The following ATP9B variants were observed in gnomAD, a reference collection of about 807,000 sequenced individuals.
ATP9B encodes the protein ATPase phospholipid transporting 9B.
ATP9B carries 110 observed loss-of-function variants against 146.1 expected under a neutral mutation model. That is an observed-to-expected ratio of 0.75 (90% CI 0.65 to 0.88). ATP9B has a LOEUF of 0.88. Among genes scored for constraint, ATP9B ranks in the 40% least tolerant of loss-of-function variants. The pLI is 0.00. For missense variants in ATP9B, 1,499 were observed against 1,496.4 expected (o/e 1.00, Z -0.03); for synonymous variants, 604 against 569.7 (o/e 1.06, Z -0.86).
At chr18:79,145,036 G>A in intron 6 of ATP9B, 1 of 224,758 alleles carries the variant, frequency 4.4e-6, no homozygotes, top group Non-Finnish European at 9.0e-6. Context: ...TGTCGGGGGA[G>A]CTGGCGGTGT....
intron 24 of ATP9B, 58 bp downstream of exon 24, chr18:79,347,983 C>T: frequency 1.6e-5 from 25 of 1,604,160 alleles, no homozygotes; most frequent in South Asian, 4.5e-5. Context: ...GGGCAGGGTC[C>T]GGGAAGGGCA....
chr18:79,206,985 T>C lies in ATP9B; in HGVS notation c.1003T>C (p.Leu335=). The change falls in exon 10 of 30, where the codon TTG becomes CTG. Residue 335 remains leucine (L), a synonymous_variant. Coordinates refer to ENST00000426216, the MANE Select transcript of ATP9B (RefSeq NM_198531.5). ...TGAAAGTCTCAGCATAGAAAATACA[T>C]TGTGGGCAAGCACCATTGTTGCATC... is the stretch of plus-strand genomic sequence containing the variant. ...IHESLSIENT[L]WASTIVASGT... is the part of the protein sequence containing the mutation. 1.2e-6 allele frequency: 2 copies of C among 1,614,050 alleles called. No individual in the cohort carries two copies. The highest frequency in any genetic ancestry group is 1.1e-5 in the South Asian group (1 of 91,068).
intron 9 of ATP9B, chr18:79,194,385 G>C (rs1356636665): frequency 2.0e-5 from 3 of 152,108 alleles, no homozygotes; most frequent in Non-Finnish European, 4.4e-5. Context: ...ACTTTGAAAA[G>C]TCGGAAATGT....
chr18:79,359,621 G>A, intron 26 of ATP9B, 159 bp downstream of exon 26: 1 of 615,432 alleles, frequency 1.6e-6, no homozygotes, highest in East Asian at 2.8e-5. Context: ...ATTGTTGTTG[G>A]CATTTTCTCT....
Position 79,171,065 on chromosome 18 carries a change from T to G in ATP9B, c.779-5748T>G, listed in dbSNP as rs146560697. Among the ~76,000 whole-genome samples the G allele has an allele frequency of 1.3e-3, 200 of 152,364 alleles. 1 individual carries two copies. The highest frequency in any genetic ancestry group is 4.6e-3 in the African/African-American group (190 of 41,582). ...AATGAGCATATTTTGTTTAGTCTAA[T>G]TGATGCCACCTTCCCCCTATAGTGT... On this transcript the variant is annotated intron_variant, in intron 7 of 29. Coordinates refer to ENST00000426216, the MANE Select transcript of ATP9B (RefSeq NM_198531.5).
chr18:79,336,827 A>G, intron 18 of ATP9B, 116 bp downstream of exon 18: 1 of 1,062,414 alleles, frequency 9.4e-7, no homozygotes, highest in Non-Finnish European at 1.4e-6. Flanking sequence ...CTAGGAGTGA[A>G]GGCAGCTTCG....
intron 25 of ATP9B, among the ~76,000 whole-genome samples, chr18:79,349,642 G>A (rs1007051517): frequency 1.3e-4 from 20 of 152,196 alleles, no homozygotes; most frequent in African/African-American, 2.4e-4. Context: ...CAGTCTGTGC[G>A]TGTGTTAGGT....
intron 3 of ATP9B, 128 bp from the exon 4 acceptor site, chr18:79,113,113 G>T: frequency 1.8e-6 from 1 of 543,694 alleles, no homozygotes; most frequent in South Asian, 3.0e-5. Flanking sequence ...CATTTACTTT[G>T]AATCACAACA....
chr18:79,189,279 G>A (rs1032615335), intron 8 of ATP9B, among the ~76,000 whole-genome samples: 3 of 152,014 alleles, frequency 2.0e-5, no homozygotes, highest in Non-Finnish European at 4.4e-5. Context: ...CCTGGGAGGC[G>A]GAGGTTGCAG....
At chr18:79,210,119 A>G (rs941926793) in intron 10 of ATP9B, among the ~76,000 whole-genome samples, 2 of 152,210 alleles carry the variant, frequency 1.3e-5, no homozygotes, top group Admixed American at 6.5e-5. Flanking sequence ...CCAAGGCAGG[A>G]CACAGAGAGC....
In ATP9B at chr18:79,113,221, T is replaced by C; in HGVS notation, c.445-20T>C. ...TTTTTCCTTGAAGGAATTTTGTTAA[T>C]TTTCTCTTTTCCTTTTTAGGTTTTG... On this transcript the variant is annotated intron_variant, in intron 3 of 29. Coordinates refer to ENST00000426216, the MANE Select transcript of ATP9B (RefSeq NM_198531.5). The C allele has an allele frequency of 6.9e-7, 1 of 1,439,964 alleles. No individual in the cohort carries two copies. The highest frequency in any genetic ancestry group is 1.2e-5 in the South Asian group (1 of 81,156). The allele number at this position is 1,439,964 out of a possible 1,614,324, so 89.2% of individuals were successfully genotyped here. A position where few individuals can be genotyped will look rare whatever the true frequency, so the allele number is the denominator to read the frequency against.
intron 13 of ATP9B, among the ~76,000 whole-genome samples, chr18:79,298,668 C>T (rs1428675312): frequency 6.8e-6 from 1 of 146,890 alleles, no homozygotes; most frequent in Non-Finnish European, 1.5e-5. Context: ...GACTCACTAC[C>T]AGATTTCAAG....
intron 8 of ATP9B, among the ~76,000 whole-genome samples, chr18:79,190,520 A>C (rs1169135144): frequency 7.4e-6 from 1 of 134,752 alleles, no homozygotes; most frequent in Non-Finnish European, 1.6e-5. Flanking sequence ...ATACACACAC[A>C]CACACACACA....
At chr18:79,371,331 C>A (rs1469932891) in intron 26 of ATP9B, among the ~76,000 whole-genome samples, 1 of 140,550 alleles carries the variant, frequency 7.1e-6, no homozygotes, top group Non-Finnish European at 1.5e-5. Context: ...AAGATCGTGC[C>A]ATTGCACTCC....
At chr18:79,254,501 TA>T in intron 12 of ATP9B, 1 of 152,568 alleles carries the variant, frequency 6.6e-6, no homozygotes, top group East Asian at 1.9e-4. Context: ...CCCGTCACAG[TA>T]CAGATTCCTG....
rs960071128 is a variant in ATP9B, at chr18:79,239,317, T to C, written c.1108-14064T>C. Among the ~76,000 whole-genome samples, 1 of 152,202 alleles carries C rather than the reference T, an allele frequency of 6.6e-6. No individual in the cohort carries two copies. Among genetic ancestry groups the C allele is most frequent in the Non-Finnish European group, 1.5e-5 (1 of 68,038 alleles). ...CACAATTCATGACAAGTGCTGCATC[T>C]TGAAACCAAAACAGAGAGGTTGGGA... On this transcript the variant is annotated intron_variant, in intron 11 of 29. Transcript: ENST00000426216. This position sits in a 1 kb window ranked among gnomAD's most constrained non-coding sequence, Gnocchi z 5.1.
At chr18:79,369,018 T>A (rs2097052738) in intron 26 of ATP9B, among the ~76,000 whole-genome samples, 3 of 152,212 alleles carry the variant, frequency 2.0e-5, no homozygotes, top group Admixed American at 2.0e-4. Context: ...GTTCTTGATA[T>A]GCTTTGACTG....
chr18:79,075,287 G>T (rs1469121513), intron 1 of ATP9B, among the ~76,000 whole-genome samples: 2 of 152,192 alleles, frequency 1.3e-5, no homozygotes, highest in Non-Finnish European at 2.9e-5. Flanking sequence ...GAGTAGCTGG[G>T]ATAGTAGGCA....
chr18:79,128,698 G>A (rs770625175), intron 5 of ATP9B, among the ~76,000 whole-genome samples: 1 of 152,148 alleles, frequency 6.6e-6, no homozygotes, highest in Non-Finnish European at 1.5e-5. Flanking sequence ...TTTTTCTGGT[G>A]TATTAATTGT....
Sources: gnomAD v4.1 joint callset for allele counts (sites outside exome capture counted in the v4.1 genomes callset) on GRCh38, gnomAD v4.1.1 for gene constraint, Gnocchi (gnomAD v3.1) non-coding constraint, MANE v1.5 for transcripts, NCBI Gene and HGNC (gene_info 2026-07-23, HGNC 2026-07-21) for gene names.